The following LGR6 variants were observed in gnomAD, a reference collection of about 807,000 sequenced individuals.
The protein encoded by LGR6 is leucine-rich repeat-containing G protein-coupled receptor 6.
A neutral mutation model predicts 69.4 loss-of-function variants in LGR6; 45 were observed. The ratio of observed to expected loss-of-function variants is 0.65; its 90% CI spans 0.51 to 0.83. LGR6 has a LOEUF of 0.83. Among genes scored for constraint, LGR6 ranks in the 40% least tolerant of loss-of-function variants. The pLI is 0.00. For missense variants in LGR6, 1,108 were observed against 1,246.7 expected (o/e 0.89, Z 1.68); for synonymous variants, 538 against 555.0 (o/e 0.97, Z 0.43).
At chr1:202,298,075 CACAA>C (rs1488934639) in intron 7 of LGR6, among the ~76,000 whole-genome samples, 2 of 152,188 alleles carry the variant, frequency 1.3e-5, no homozygotes, top group Non-Finnish European at 2.9e-5. Context: ...TAGTGATAAA[CACAA>C]ACAAAGGGTC....
chr1:202,253,990 A>G (rs1261601246), intron 4 of LGR6, among the ~76,000 whole-genome samples: 1 of 150,294 alleles, frequency 6.7e-6, no homozygotes, highest in Non-Finnish European at 1.5e-5. Context: ...TATTTTTAGT[A>G]GAGACGGGGT....
intron 4 of LGR6, among the ~76,000 whole-genome samples, chr1:202,244,328 G>A (rs1411207194): frequency 6.6e-6 from 1 of 152,186 alleles, no homozygotes; most frequent in African/African-American, 2.4e-5. Flanking sequence ...CACTGTTACA[G>A]AAGAAAAGGA....
chr1:202,246,472 CATCT>C (rs1662714853), intron 4 of LGR6, among the ~76,000 whole-genome samples: 1 of 142,374 alleles, frequency 7.0e-6, no homozygotes, highest in Non-Finnish European at 1.5e-5. Context: ...TCTGTCTGTC[CATCT>C]GTTTGTTTTT....
At chr1:202,256,841 A>G (rs1663813191) in intron 4 of LGR6, among the ~76,000 whole-genome samples, 1 of 152,180 alleles carries the variant, frequency 6.6e-6, no homozygotes, top group African/African-American at 2.4e-5. Flanking sequence ...CCAGTATTGT[A>G]TGGGCATTTC....
chr1:202,225,506 C>A lies in LGR6; in HGVS notation c.284+12C>A. On this transcript the variant is annotated intron_variant, in intron 2 of 17. Transcript: ENST00000367278. ...TTCTTGGAGGAGCTGTGAGTAGATG[C>A]TTTGCAGGGTGGGAGGCAAGCATGG... 6.2e-7 allele frequency: 1 copy of A among 1,611,748 alleles called. No individual in the cohort carries two copies. Among genetic ancestry groups the A allele is most frequent in the Non-Finnish European group, 8.5e-7 (1 of 1,177,972 alleles).
chr1:202,217,149 C>T (rs577188194), intron 1 of LGR6, among the ~76,000 whole-genome samples: 24 of 152,332 alleles, frequency 1.6e-4, no homozygotes, highest in Middle Eastern at 3.4e-3. Flanking sequence ...GTCTCCATCT[C>T]CTCACTCTGC....
At chr1:202,295,870 A>AGTGT (rs10522809) in intron 6 of LGR6, among the ~76,000 whole-genome samples, 3,358 of 143,972 alleles carry the variant, frequency 0.023, 62 homozygotes, top group African/African-American at 0.037. Flanking sequence ...TTGGGTAATT[A>AGTGT]GTGTGTGTGT....
At chr1:202,196,358 G>A (rs1256700959) in intron 1 of LGR6, among the ~76,000 whole-genome samples, 2 of 152,178 alleles carry the variant, frequency 1.3e-5, no homozygotes, top group Admixed American at 1.3e-4. Context: ...GTTGAGAGCT[G>A]GCATGCAGAA....
chr1:202,306,386 G>A (rs919384811), intron 12 of LGR6, among the ~76,000 whole-genome samples: 1 of 152,186 alleles, frequency 6.6e-6, no homozygotes, highest in East Asian at 1.9e-4. Flanking sequence ...CTGGGGCAGG[G>A]TACAGATATG....
At chr1:202,287,756 C>T (rs749976354) in intron 6 of LGR6, among the ~76,000 whole-genome samples, 4 of 152,094 alleles carry the variant, frequency 2.6e-5, no homozygotes, top group Admixed American at 1.3e-4. Context: ...TCCATTGGCC[C>T]CATCTTCCAA....
chr1:202,281,024 G>A, intron 6 of LGR6, 172 bp downstream of exon 6: 1 of 596,502 alleles, frequency 1.7e-6, no homozygotes, highest in South Asian at 2.0e-5. Flanking sequence ...GAATATCACT[G>A]AGAATGAATT....
intron 3 of LGR6, among the ~76,000 whole-genome samples, chr1:202,230,681 T>C (rs1472894730): frequency 2.6e-5 from 4 of 152,188 alleles, no homozygotes; most frequent in Non-Finnish European, 5.9e-5. Flanking sequence ...AGTCTTTATC[T>C]CAAAAGTTTC....
chr1:202,197,456 G>A (rs373415715), intron 1 of LGR6: 4 of 533,214 alleles, frequency 7.5e-6, no homozygotes, highest in Admixed American at 1.9e-5. Flanking sequence ...TAGTCTCAGC[G>A]AGGCTCATTG....
rs1307981001 is a variant in LGR6, at chr1:202,252,071, C to A, written c.428+16078C>A. Among the ~76,000 whole-genome samples, 3 of 152,176 alleles carry A rather than the reference C, an allele frequency of 2.0e-5. No individual in the cohort carries two copies. In the South Asian group the frequency reaches 6.2e-4, roughly 32 times the overall value. ...CCAAGTCATCAAATGACACCACTTA[C>A]GTCATCTCACTCCTCTGATCAGAAA... On this transcript the variant is annotated intron_variant, in intron 4 of 17. Transcript: ENST00000367278.
At chr1:202,230,475 C>T (rs1660933405) in intron 3 of LGR6, among the ~76,000 whole-genome samples, 2 of 152,226 alleles carry the variant, frequency 1.3e-5, no homozygotes, top group South Asian at 2.1e-4. Flanking sequence ...CTCACCATCC[C>T]GGCTCAGCAC....
chr1:202,205,960 CAG>C (rs1236682902), intron 1 of LGR6, among the ~76,000 whole-genome samples: 1 of 126,542 alleles, frequency 7.9e-6, no homozygotes, highest in Non-Finnish European at 1.7e-5. Context: ...CACACACACA[CAG>C]ACACACAACA....
intron 2 of LGR6, among the ~76,000 whole-genome samples, chr1:202,227,351 T>A (rs1467831747): frequency 6.6e-6 from 1 of 152,166 alleles, no homozygotes; most frequent in Non-Finnish European, 1.5e-5. Context: ...TTCGTTGCAT[T>A]TGCTCCTTTT....
At chr1:202,256,679 T>A (rs1379528779) in intron 4 of LGR6, among the ~76,000 whole-genome samples, 1 of 152,268 alleles carries the variant, frequency 6.6e-6, no homozygotes, top group African/African-American at 2.4e-5. Context: ...TAAAAACATT[T>A]GTGTGTAAGT....
At chr1:202,214,236 A>G (rs776657457) in intron 1 of LGR6, 28 of 1,542,164 alleles carry the variant, frequency 1.8e-5, no homozygotes, top group Non-Finnish European at 1.7e-5. Flanking sequence ...CGGTGCGCCC[A>G]GGTAGGCTTG....
Sources: allele counts gnomAD v4.1 joint callset (sites outside exome capture counted in the v4.1 genomes callset), GRCh38; gene constraint gnomAD v4.1.1; transcripts MANE v1.5; gene names NCBI Gene and HGNC (gene_info 2026-07-23, HGNC 2026-07-21).